OCRL: variants seen among roughly 807,000 people sequenced by gnomAD.
OCRL encodes the protein OCRL inositol polyphosphate-5-phosphatase, also known as inositol polyphosphate 5-phosphatase OCRL.
Under a neutral mutation model 78.9 loss-of-function variants are expected in OCRL, and 8 were observed. The ratio of observed to expected loss-of-function variants is 0.10; its 90% CI spans 0.06 to 0.18. The LOEUF (loss-of-function observed/expected upper bound fraction) is 0.18. Among genes scored for constraint, OCRL ranks in the 10% least tolerant of loss-of-function variants. The probability of loss-of-function intolerance (pLI) is 1.00; values close to 1 mark genes in which losing one functional copy is unlikely to be tolerated. For missense variants in OCRL, 454 were observed against 696.7 expected (o/e 0.65, Z 3.92); for synonymous variants, 240 against 235.4 (o/e 1.02, Z -0.18).
intron 10 of OCRL, among the ~76,000 whole-genome samples, chrX:129,561,896 C>G (rs183026847): frequency 9.0e-6 from 1 of 111,718 alleles, no homozygotes; most frequent in South Asian, 3.7e-4. Context: ...AATAAAACTC[C>G]TGGGGATGTT....
At chrX:129,579,471 C>T (rs746023581) in intron 18 of OCRL, among the ~76,000 whole-genome samples, 3 of 111,768 alleles carry the variant, frequency 2.7e-5, no homozygotes, top group Non-Finnish European at 3.8e-5. Flanking sequence ...TGTTGTCTCT[C>T]TATGTACTGT....
At chrX:129,569,188 C>T in intron 14 of OCRL, 76 bp from the exon 15 acceptor site, 7 of 1,106,744 alleles carry the variant, frequency 6.3e-6, no homozygotes, top group Non-Finnish European at 8.7e-6. Flanking sequence ...GAGCCTAACC[C>T]TGATCTAAAC....
intron 18 of OCRL, among the ~76,000 whole-genome samples, chrX:129,583,748 G>A (rs1212706508): frequency 2.7e-5 from 3 of 110,942 alleles, no homozygotes; most frequent in African/African-American, 9.9e-5. Context: ...AATAAAAATG[G>A]GATAATGATG....
rs766261764 is a variant in OCRL, at chrX:129,572,238, GT to G, written c.1602+2840del. ...ATATCATAAACGGTCTTATATGTAT[GT>G]GTTGGTCTGCAACTTGATTTTTTTT... On this transcript the variant is annotated intron_variant, in intron 15 of 23. Coordinates refer to ENST00000371113, the MANE Select transcript of OCRL (RefSeq NM_000276.4). Among the ~76,000 whole-genome samples the G allele has an allele frequency of 5.4e-4, 60 of 111,221 alleles. 1 individual carries two copies. The highest frequency in any genetic ancestry group is 1.5e-4 in the Non-Finnish European group (8 of 53,166).
rs1484833331 is a variant in OCRL at position 129,588,280 on chromosome X, A to G, written c.2341+17A>G. 1.8e-6 allele frequency: 2 copies of G among 1,092,160 alleles called. No individual in the cohort carries two copies. Among genetic ancestry groups the G allele is most frequent in the Non-Finnish European group, 2.5e-6 (2 of 786,356 alleles). The allele number at this position is 1,092,160 out of a possible 1,213,427, so 90.0% of individuals were successfully genotyped here. A position where few individuals can be genotyped will look rare whatever the true frequency, so the allele number is the denominator to read the frequency against. The stretch of plus-strand genomic sequence containing the variant: ...AGACAATCCGTATCCTTTGCGACCA[A>G]AGCTTAAGAAGCTGGATGAGTACTT... On this transcript the variant is annotated intron_variant, in intron 21 of 23. Transcript: ENST00000371113.
At chrX:129,560,934 C>T (rs1201920004) in intron 9 of OCRL, among the ~76,000 whole-genome samples, 1 of 112,580 alleles carries the variant, frequency 8.9e-6, no homozygotes, top group Non-Finnish European at 1.9e-5. Flanking sequence ...AAGAGCAAAG[C>T]TCTGCTGTTA....
chrX:129,559,049 CAG>C (rs1434089505), intron 8 of OCRL, 48 bp downstream of exon 8: 5 of 1,070,389 alleles, frequency 4.7e-6, no homozygotes, highest in Non-Finnish European at 6.5e-6. Flanking sequence ...GTATATATAA[CAG>C]ACAGTGGCCT....
At chrX:129,586,389 T>C (rs1388316658) in intron 19 of OCRL, among the ~76,000 whole-genome samples, 1 of 112,123 alleles carries the variant, frequency 8.9e-6, no homozygotes. Context: ...TTTACTATTT[T>C]TGGACCTTAA....
intron 6 of OCRL, 90 bp from the exon 7 acceptor site, chrX:129,558,543 C>A (rs1936095957): frequency 9.4e-7 from 1 of 1,068,840 alleles, no homozygotes; most frequent in South Asian, 1.9e-5. Flanking sequence ...TACCACTGAT[C>A]AAATTGTGAT....
intron 22 of OCRL, chrX:129,589,285 T>TA (rs1936557231): frequency 2.9e-6 from 1 of 348,226 alleles, no homozygotes; most frequent in Non-Finnish European, 5.1e-6. Context: ...TTGGTGAAGC[T>TA]GATTGTACGT....
chrX:129,567,493 G>A, intron 14 of OCRL, 130 bp downstream of exon 14: 3 of 487,771 alleles, frequency 6.2e-6, no homozygotes, highest in African/African-American at 2.4e-5. Flanking sequence ...ATGGCTCAGT[G>A]CCTCAGTGCT....
chrX:129,546,955 G>C (rs888886587), intron 3 of OCRL, among the ~76,000 whole-genome samples: 10 of 111,418 alleles, frequency 9.0e-5, no homozygotes, highest in Admixed American at 2.9e-4. Flanking sequence ...GCGATGGCTT[G>C]CACCTGTAAT....
At chrX:129,557,569 A>G in intron 5 of OCRL, 134 bp downstream of exon 5, 1 of 603,700 alleles carries the variant, frequency 1.7e-6, no homozygotes, top group Non-Finnish European at 2.7e-6. Context: ...TTTTTTCTTC[A>G]GGAGTGAACA....
rs141362521 is a variant in OCRL at position 129,590,704 on chromosome X, C to T, written c.*434C>T. On this transcript the variant is annotated 3_prime_UTR_variant, in exon 24 of 24. Transcript: ENST00000371113. ...GTTTTGCACTTTTGACCCACCCCTT[C>T]CTGGATCACTCCTTTGCACTCCACT... 3,403 of 188,584 alleles carry T rather than the reference C, an allele frequency of 0.018. 17 individuals are homozygous for T. Among genetic ancestry groups the T allele is most frequent in the Middle Eastern group, 0.033 (17 of 509 alleles). The allele number at this position is 188,584 out of a possible 1,213,427, so 15.5% of individuals were successfully genotyped here.
At chrX:129,556,402 C>T (rs1258553279) in intron 4 of OCRL, among the ~76,000 whole-genome samples, 5 of 111,477 alleles carry the variant, frequency 4.5e-5, no homozygotes, top group Non-Finnish European at 7.5e-5. Flanking sequence ...GTTGGTCACC[C>T]TAGACTCCTG....
intron 21 of OCRL, among the ~76,000 whole-genome samples, chrX:129,588,571 T>C (rs1159050644): frequency 1.8e-5 from 2 of 111,498 alleles, no homozygotes; most frequent in Admixed American, 1.9e-4. Flanking sequence ...ACACGTACTG[T>C]TGACAGGGCA....
intron 3 of OCRL, 78 bp downstream of exon 3, chrX:129,545,115 T>A (rs1217145381): frequency 1.7e-6 from 1 of 575,219 alleles, no homozygotes; most frequent in African/African-American, 2.2e-5. Context: ...CCATACATAT[T>A]TAAATTTGTC....
intron 18 of OCRL, among the ~76,000 whole-genome samples, chrX:129,579,600 T>G (rs1936415996): frequency 1.8e-5 from 2 of 112,240 alleles, no homozygotes; most frequent in Admixed American, 9.4e-5. Flanking sequence ...CTTTTCATAA[T>G]AGTGACTTTG....
intron 1 of OCRL, 36 bp downstream of exon 1, chrX:129,540,514 C>T (rs1935774249): frequency 1.8e-6 from 2 of 1,106,413 alleles, no homozygotes; most frequent in Non-Finnish European, 2.4e-6. Flanking sequence ...GGAGGCCGCG[C>T]AGGGCCGGGG....
Sources: allele counts gnomAD v4.1 joint callset (sites outside exome capture counted in the v4.1 genomes callset), GRCh38; gene constraint gnomAD v4.1.1; transcripts MANE v1.5; gene names NCBI Gene and HGNC (gene_info 2026-07-23, HGNC 2026-07-21).